Variants in DAB2IP observed in about 807,000 individuals in gnomAD.
DAB2IP encodes disabled homolog 2-interacting protein.
DAB2IP carries 28 observed loss-of-function variants against 107.2 expected under a neutral mutation model. The observed-to-expected ratio is 0.26, with a 90% CI of 0.19 to 0.36. DAB2IP has a LOEUF of 0.36. Ranked by LOEUF, DAB2IP falls within the 10% of genes least tolerant of loss-of-function variation. The pLI, the probability that DAB2IP is intolerant of heterozygous loss-of-function variation, is 1.00. For missense variants in DAB2IP, 1,400 were observed against 1,644.7 expected (o/e 0.85, Z 2.57); for synonymous variants, 755 against 706.4 (o/e 1.07, Z -1.09).
intron 1 of DAB2IP, among the ~76,000 whole-genome samples, chr9:121,657,799 G>T (rs1181877637): frequency 1.3e-5 from 2 of 152,160 alleles, no homozygotes; most frequent in African/African-American, 4.8e-5. Flanking sequence ...AGACCTGGGG[G>T]TACAGGGAGG....
At chr9:121,664,375 G>T (rs1833332429) in intron 1 of DAB2IP, among the ~76,000 whole-genome samples, 1 of 152,136 alleles carries the variant, frequency 6.6e-6, no homozygotes, top group Non-Finnish European at 1.5e-5. Context: ...TGGCTGTCTA[G>T]GTCCTTTGGT....
At position 121,698,741 on chromosome 9, in the gene DAB2IP, G is replaced by A. The variant is rs1046867659; in HGVS notation, c.229-584G>A. Among the ~76,000 whole-genome samples the A allele has an allele frequency of 6.6e-6, 1 of 152,226 alleles. No homozygotes were observed. Among genetic ancestry groups the A allele is most frequent in the Admixed American group, 6.5e-5 (1 of 15,288 alleles). On this transcript the variant is annotated intron_variant, in intron 2 of 15. Transcript: ENST00000408936. This position sits in a 1 kb window ranked among gnomAD's most constrained non-coding sequence, Gnocchi z 4.1. Reference sequence around the variant, plus strand: ...GGGCACTGCCAGGCGCAGGCCAGCCGGCGCCTCAGCCGACCACGCGCCCGC... The same window carrying A: ...GGGCACTGCCAGGCGCAGGCCAGCCAGCGCCTCAGCCGACCACGCGCCCGC...
At chr9:121,589,487 C>G (rs1830379839) in intron 1 of DAB2IP, among the ~76,000 whole-genome samples, 1 of 152,172 alleles carries the variant, frequency 6.6e-6, no homozygotes, top group South Asian at 2.1e-4. Flanking sequence ...GGAAGCCTTT[C>G]CTGGAGCCAT....
intron 3 of DAB2IP, among the ~76,000 whole-genome samples, chr9:121,747,136 G>A (rs1219019199): frequency 6.6e-6 from 1 of 152,090 alleles, no homozygotes; most frequent in African/African-American, 2.4e-5. Flanking sequence ...GGGAGGTTGG[G>A]CTCTTTTCCT....
intron 1 of DAB2IP, among the ~76,000 whole-genome samples, chr9:121,668,255 C>G (rs914494221): frequency 2.7e-5 from 4 of 149,522 alleles, no homozygotes; most frequent in Non-Finnish European, 5.9e-5. Flanking sequence ...TGCAGTGGCA[C>G]GATCTCCACT....
upstream of DAB2IP, among the ~76,000 whole-genome samples, chr9:121,650,431 GC>G (rs767225966): frequency 9.9e-4 from 151 of 152,316 alleles, 1 homozygote; most frequent in Non-Finnish European, 1.9e-3. Context: ...TGCCCAGACG[GC>G]CCCGCCCACT....
chr9:121,604,995 T>A (rs1419615819), intron 1 of DAB2IP, among the ~76,000 whole-genome samples: 1 of 152,208 alleles, frequency 6.6e-6, no homozygotes, highest in Admixed American at 6.5e-5. Context: ...AGAACTTCTC[T>A]GCCTCATTTG....
intron 1 of DAB2IP, among the ~76,000 whole-genome samples, chr9:121,584,147 C>T (rs1269712961): frequency 6.6e-6 from 1 of 152,134 alleles, no homozygotes; most frequent in Non-Finnish European, 1.5e-5. Context: ...CATTGCACTC[C>T]AGCCTGGGCG....
chr9:121,721,657 T>C (rs957372646), intron 3 of DAB2IP, among the ~76,000 whole-genome samples: 3 of 152,256 alleles, frequency 2.0e-5, no homozygotes, highest in African/African-American at 7.2e-5. Context: ...ATTTCACATC[T>C]TTAAATGTTG....
At position 121,698,561 on chromosome 9, in the gene DAB2IP, G is replaced by A. The variant is rs553990429; in HGVS notation, c.229-764G>A. Reference sequence around the variant, plus strand: ...CTCAGCAAACCCTTCAGCCCCTCGGGCCCCTCCCTGAGCTGAGCACTAGGG... The same window carrying A: ...CTCAGCAAACCCTTCAGCCCCTCGGACCCCTCCCTGAGCTGAGCACTAGGG... On this transcript the variant is annotated intron_variant, in intron 2 of 15. Transcript: ENST00000408936. This position sits in a 1 kb window ranked among gnomAD's most constrained non-coding sequence, Gnocchi z 4.1. 3.3e-5 allele frequency among the ~76,000 whole-genome samples: 5 copies of A among 152,288 alleles called. No individual in the cohort carries two copies. The South Asian group carries it at 8.3e-4, about 25-fold the overall frequency.
At chr9:121,757,934 C>T (rs1280445758) in intron 4 of DAB2IP, among the ~76,000 whole-genome samples, 1 of 152,226 alleles carries the variant, frequency 6.6e-6, no homozygotes, top group Non-Finnish European at 1.5e-5. Context: ...GTGACAATCT[C>T]CTGGCACCCC....
At chr9:121,748,347 A>G (rs1832859178) in intron 3 of DAB2IP, among the ~76,000 whole-genome samples, 1 of 152,110 alleles carries the variant, frequency 6.6e-6, no homozygotes, top group South Asian at 2.1e-4. Context: ...GGCCTGACTC[A>G]CTGTGAGGTA....
intron 1 of DAB2IP, among the ~76,000 whole-genome samples, chr9:121,619,744 T>C (rs1831399124): frequency 6.6e-6 from 1 of 152,184 alleles, no homozygotes; most frequent in South Asian, 2.1e-4. Context: ...CCACCTCTGG[T>C]GTCTGAAATT....
At chr9:121,741,774 T>C (rs563105112) in intron 3 of DAB2IP, among the ~76,000 whole-genome samples, 1 of 151,210 alleles carries the variant, frequency 6.6e-6, no homozygotes, top group South Asian at 2.2e-4. Context: ...GCAGCTTCCT[T>C]CACCCCAGCT....
intron 3 of DAB2IP, among the ~76,000 whole-genome samples, chr9:121,747,568 C>T (rs1015164901): frequency 8.5e-5 from 13 of 152,054 alleles, no homozygotes; most frequent in African/African-American, 2.9e-4. Context: ...AGGATGGTCT[C>T]GATCTCCTGA....
chr9:121,744,962 C>T (rs1336911959), intron 3 of DAB2IP, among the ~76,000 whole-genome samples: 1 of 152,180 alleles, frequency 6.6e-6, no homozygotes, highest in Non-Finnish European at 1.5e-5. Flanking sequence ...GCAGGGCTGG[C>T]ATGGCTGGGT....
chr9:121,614,337 CTTTTT>C (rs35959966), intron 1 of DAB2IP, among the ~76,000 whole-genome samples: 3 of 102,770 alleles, frequency 2.9e-5, no homozygotes, highest in Non-Finnish European at 5.5e-5. Context: ...TCTTTCTTTT[CTTTTT>C]TTTTTTTTTT....
chr9:121,604,544 T>G (rs1029716229), intron 1 of DAB2IP, among the ~76,000 whole-genome samples: 1 of 152,232 alleles, frequency 6.6e-6, no homozygotes, highest in African/African-American at 2.4e-5. Context: ...CTTCAGGTTT[T>G]ATGTTGCCTG....
At chr9:121,737,263 T>TTGGA in intron 3 of DAB2IP, 1 of 985,478 alleles carries the variant, frequency 1.0e-6, no homozygotes, top group Non-Finnish European at 1.2e-6. Context: ...GGAGTGTTTC[T>TTGGA]CGTCTTCTTG....
Sources: allele counts gnomAD v4.1 joint callset (sites outside exome capture counted in the v4.1 genomes callset), GRCh38; gene constraint gnomAD v4.1.1; non-coding constraint Gnocchi (gnomAD v3.1); transcripts MANE v1.5; gene names NCBI Gene and HGNC (gene_info 2026-07-23, HGNC 2026-07-21).